TNN: variants seen among roughly 807,000 people sequenced by gnomAD.
TNN encodes the protein tenascin-N.
TNN carries 122 observed loss-of-function variants against 134.4 expected under a neutral mutation model. That is an observed-to-expected ratio of 0.91 (90% CI 0.78 to 1.06). The LOEUF (loss-of-function observed/expected upper bound fraction) is 1.06. Ranked by LOEUF, TNN falls within the 50% of genes least tolerant of loss-of-function variation. The pLI, the probability that TNN is intolerant of heterozygous loss-of-function variation, is 0.00. For missense variants in TNN, 1,739 were observed against 1,699.4 expected, an observed-to-expected ratio of 1.02 and a Z score of -0.41; for synonymous variants, 710 against 670.3, an observed-to-expected ratio of 1.06 and a Z score of -0.91.
Position 175,097,419 on chromosome 1 carries a change from A to G in TNN, c.1591A>G (p.Ile531Val). The G allele has an allele frequency of 6.2e-7, 1 of 1,614,222 alleles. No homozygotes were observed. The change falls in exon 8 of 19, where the codon ATT (isoleucine) becomes GTT (valine). Residue 531 changes from isoleucine (I) to valine (V), a missense_variant and splice_region_variant. Transcript: ENST00000239462. ...KKADTNALTE[I>V]DSPANLVTDR... ...CTTCTTTCATCTCTCTCTTAAAGAA[A>G]TTGACAGCCCAGCAAACCTGGTGAC...
chr1:175,078,925 A>G (rs1278026054), intron 2 of TNN, among the ~76,000 whole-genome samples: 1 of 152,074 alleles, frequency 6.6e-6, no homozygotes, highest in Admixed American at 6.5e-5. Context: ...CTTTCCCCCC[A>G]GGAGTCCTGC....
In TNN at chr1:175,091,396, C is replaced by T. The variant is rs148975507; in HGVS notation, c.1325-2594C>T. Among the ~76,000 whole-genome samples the T allele has an allele frequency of 1.6e-4, 24 of 152,290 alleles. No individual in the cohort carries two copies. In the East Asian group the frequency reaches 3.1e-3, roughly 20 times the overall value. On this transcript the variant is annotated intron_variant, in intron 6 of 18. Transcript: ENST00000239462. ...CATAATATGATTCAGTTTTACCTTC[C>T]TACTCTTCATACCCAAGATGCTGTT... is the stretch of plus-strand genomic sequence containing the variant.
chr1:175,108,679 C>T (rs1674931585), intron 9 of TNN, among the ~76,000 whole-genome samples: 1 of 152,246 alleles, frequency 6.6e-6, no homozygotes, highest in Non-Finnish European at 1.5e-5. Flanking sequence ...ACCCAGTACA[C>T]CCTCCGCAGC....
chr1:175,092,041 G>T (rs1416203514), intron 6 of TNN, among the ~76,000 whole-genome samples: 1 of 152,214 alleles, frequency 6.6e-6, no homozygotes, highest in African/African-American at 2.4e-5. Context: ...TACAGATGTG[G>T]ATGCTTTTGA....
At chr1:175,094,785 AC>A (rs573341969) in intron 7 of TNN, among the ~76,000 whole-genome samples, 382 of 152,340 alleles carry the variant, frequency 2.5e-3, no homozygotes, top group Middle Eastern at 3.4e-3. Flanking sequence ...CTGGGACTAT[AC>A]TGGGACATAG....
intron 2 of TNN, among the ~76,000 whole-genome samples, chr1:175,078,674 C>T (rs957013885): frequency 6.6e-6 from 1 of 152,196 alleles, no homozygotes; most frequent in Non-Finnish European, 1.5e-5. Flanking sequence ...AGAAGGTGTT[C>T]TGAAAAGCAG....
rs1675199205 is a variant in TNN at position 175,117,012 on chromosome 1, GC to G, written c.2194del (p.Arg732GlyfsTer33). The G allele has an allele frequency of 4.3e-6, 7 of 1,614,220 alleles. No homozygotes were observed. The highest frequency in any genetic ancestry group is 5.1e-6 in the Non-Finnish European group (6 of 1,180,042). ...TGGCCACTGTCTCCTGGGACCCGGTGCGGGCCACCATTGACAGGTATGTGGT... is the reference window on the plus strand; with the variant it reads ...TGGCCACTGTCTCCTGGGACCCGGTGGGGCCACCATTGACAGGTATGTGGT... The part of the protein sequence containing the change: ...NMATVSWDPV[R>X]ATIDRYVVRY... On this transcript the variant is annotated frameshift_variant, in exon 10 of 19. Transcript: ENST00000239462. LOFTEE classifies it high-confidence loss of function.
At chr1:175,144,695 C>T in intron 18 of TNN, 145 bp downstream of exon 18, 1 of 906,642 alleles carries the variant, frequency 1.1e-6, no homozygotes, top group Non-Finnish European at 1.6e-6. Context: ...GGCTCCATGG[C>T]CTTGAGGTCG....
chr1:175,116,497 A>G (rs1433264514), intron 9 of TNN, among the ~76,000 whole-genome samples: 3 of 152,240 alleles, frequency 2.0e-5, no homozygotes, highest in African/African-American at 4.8e-5. Context: ...GAAATTAGTT[A>G]CATGCATGGA....
In TNN at chr1:175,126,949, G is replaced by C. The variant is rs747032185; in HGVS notation, c.2915-6G>C. The C allele has an allele frequency of 3.1e-6, 5 of 1,606,310 alleles. No individual in the cohort carries two copies. The highest frequency in any genetic ancestry group is 4.2e-6 in the Non-Finnish European group (5 of 1,177,778). ...TAATAACAATTACCTGACTTTCTAC[G>C]TACAGAACTCGACCCTCCCAGAAAC... On this transcript the variant is annotated splice_region_variant and splice_polypyrimidine_tract_variant and intron_variant, in intron 12 of 18. Transcript: ENST00000239462.
chr1:175,144,334 A>T (rs1676009207), intron 17 of TNN, 53 bp from the exon 18 acceptor site: 13 of 1,560,610 alleles, frequency 8.3e-6, no homozygotes, highest in Admixed American at 1.8e-5. Context: ...TCTTTTGATC[A>T]TCTCCTCGGT....
rs989233498 is a variant in TNN at position 175,135,757 on chromosome 1, T to G, written c.3331-88T>G. ...AGGCTTGCTAGCTGGAGGAAGGCAGTGTATGAGCAAGCTCTTGGTCTTCTC... is the reference window on the plus strand; with the variant it reads ...AGGCTTGCTAGCTGGAGGAAGGCAGGGTATGAGCAAGCTCTTGGTCTTCTC... On this transcript the variant is annotated intron_variant, in intron 15 of 18. Transcript: ENST00000239462. 1.0e-5 allele frequency: 10 copies of G among 992,096 alleles called. No homozygotes were observed. The African/African-American group carries it at 1.4e-4, about 14-fold the overall frequency. The allele number at this position is 992,096 out of a possible 1,614,324, so 61.5% of individuals were successfully genotyped here.
chr1:175,122,002 A>G (rs1675388826), intron 11 of TNN, among the ~76,000 whole-genome samples: 1 of 152,232 alleles, frequency 6.6e-6, no homozygotes, highest in African/African-American at 2.4e-5. Context: ...GGGGCTCAGA[A>G]TTAATAGATA....
At position 175,123,489 on chromosome 1, in the gene TNN, A is replaced by G; in HGVS notation, c.2740A>G (p.Lys914Glu). ...SWDPVQATID[K>E]YMVRYTSADG... ...GGACCCGGTTCAGGCCACCATTGAC[A>G]AGTACATGGTGCGCTACACCTCTGC... The change falls in exon 12 of 19, where the codon AAG becomes GAG. Residue 914 changes from lysine to glutamate, a missense_variant. Physicochemically the swap from Lys to Glu is moderately conservative, Grantham distance 56. Coordinates refer to ENST00000239462, the MANE Select transcript of TNN (RefSeq NM_022093.2). 6.2e-7 allele frequency: 1 copy of G among 1,614,142 alleles called. No homozygotes were observed.
intron 6 of TNN, among the ~76,000 whole-genome samples, chr1:175,090,136 A>G (rs993110012): frequency 6.6e-6 from 1 of 152,222 alleles, no homozygotes; most frequent in Non-Finnish European, 1.5e-5. Context: ...TCCATTTTAC[A>G]TATGAGAACA....
chr1:175,092,557 A>T (rs1674478331), intron 6 of TNN, among the ~76,000 whole-genome samples: 1 of 152,094 alleles, frequency 6.6e-6, no homozygotes, highest in African/African-American at 2.4e-5. Context: ...TTTATAATTT[A>T]TTATTATTAT....
chr1:175,087,852 C>T lies in TNN; in HGVS notation c.1324+2358C>T, dbSNP rs533757572. 2.6e-4 allele frequency among the ~76,000 whole-genome samples: 39 copies of T among 152,354 alleles called. No homozygotes were observed. The East Asian group carries it at 7.1e-3, about 28-fold the overall frequency. ...CTAGAAATTGGGGGTTCTTATGACTCCCCTCCTTGAGTTCCATTAATTTGC... is the reference window on the plus strand; with the variant it reads ...CTAGAAATTGGGGGTTCTTATGACTTCCCTCCTTGAGTTCCATTAATTTGC... On this transcript the variant is annotated intron_variant, in intron 6 of 18. Coordinates refer to ENST00000239462, the MANE Select transcript of TNN (RefSeq NM_022093.2).
At chr1:175,112,594 C>T (rs1300585449) in intron 9 of TNN, among the ~76,000 whole-genome samples, 6 of 33,274 alleles carry the variant, frequency 1.8e-4, no homozygotes, top group Non-Finnish European at 4.1e-4. Context: ...TTCAGCCGGC[C>T]GATCTTTTTT....
chr1:175,128,838 C>CAT, intron 15 of TNN, 92 bp downstream of exon 15: 3 of 1,342,356 alleles, frequency 2.2e-6, no homozygotes, highest in Non-Finnish European at 2.9e-6. Context: ...GTGTTTGGAG[C>CAT]CCTATTTCTT....
Sources: gnomAD v4.1 joint callset for allele counts (sites outside exome capture counted in the v4.1 genomes callset) on GRCh38, gnomAD v4.1.1 for gene constraint, MANE v1.5 for transcripts, NCBI Gene and HGNC (gene_info 2026-07-23, HGNC 2026-07-21) for gene names.